The following HEPHL1 variants were observed in gnomAD, a reference collection of about 807,000 sequenced individuals.
HEPHL1 encodes the protein hephaestin like 1.
A neutral mutation model predicts 122.0 loss-of-function variants in HEPHL1; 123 were observed. The observed-to-expected ratio is 1.01, with a 90% CI of 0.87 to 1.17. The LOEUF (loss-of-function observed/expected upper bound fraction) is 1.17, where lower values mean the gene tolerates loss of function less well. Among genes scored for constraint, HEPHL1 ranks in the 50% most tolerant of loss-of-function variants. The probability of loss-of-function intolerance (pLI) is 0.00; values close to 1 mark genes in which losing one functional copy is unlikely to be tolerated. For synonymous variants in HEPHL1, 527 were observed against 508.9 expected (o/e 1.04, Z -0.48); for missense variants, 1,452 against 1,430.5 (o/e 1.01, Z -0.24).
rs1946090320 is a variant in HEPHL1, at chr11:94,073,088, G to A, written c.1296G>A (p.Arg432=). Residue 432 remains arginine (R), a synonymous_variant, in exon 7 of 20, where the codon CGG becomes CGA. Transcript: ENST00000315765. ...TAGGAGGAAAATACTGGAAGGTTCG[G>A]TATACTGAATTTGTTGATGCAACTT... is the stretch of plus-strand genomic sequence containing the variant. ...NRIGGKYWKV[R]YTEFVDATFT... 1 of 1,612,932 alleles carries A rather than the reference G, an allele frequency of 6.2e-7. No homozygotes were observed. The highest frequency in any genetic ancestry group is 1.7e-5 in the Admixed American group (1 of 59,880).
At chr11:94,102,419 C>T (rs1384062293) in intron 14 of HEPHL1, among the ~76,000 whole-genome samples, 1 of 152,144 alleles carries the variant, frequency 6.6e-6, no homozygotes, top group Non-Finnish European at 1.5e-5. Flanking sequence ...CCAGATCTCA[C>T]CTGCCCACTT....
chr11:94,068,810 G>GA (rs375543754), intron 5 of HEPHL1, among the ~76,000 whole-genome samples: 2 of 152,116 alleles, frequency 1.3e-5, no homozygotes, highest in African/African-American at 4.8e-5. Flanking sequence ...AACCAAGACA[G>GA]AAAAAATATG....
chr11:94,042,284 A>C (rs1945788599), intron 1 of HEPHL1, among the ~76,000 whole-genome samples: 1 of 120,494 alleles, frequency 8.3e-6, no homozygotes, highest in Admixed American at 8.8e-5. Context: ...GTGGGACTGT[A>C]AACTAGTTCA....
chr11:94,037,783 A>G (rs1422582655), intron 1 of HEPHL1, among the ~76,000 whole-genome samples: 1 of 151,838 alleles, frequency 6.6e-6, no homozygotes, highest in Admixed American at 6.5e-5. Context: ...AACAGAACAG[A>G]AAAACTGGAA....
chr11:94,074,172 G>A (rs142198963), intron 8 of HEPHL1, among the ~76,000 whole-genome samples: 30 of 152,166 alleles, frequency 2.0e-4, no homozygotes, highest in African/African-American at 7.2e-4. Flanking sequence ...ATAGTGAGGG[G>A]ACAGAAGAGA....
intron 13 of HEPHL1, among the ~76,000 whole-genome samples, chr11:94,098,524 G>A (rs1223255312): frequency 6.6e-6 from 1 of 152,150 alleles, no homozygotes; most frequent in Non-Finnish European, 1.5e-5. Context: ...TATCTTTGTG[G>A]CATTCTCTGT....
intron 1 of HEPHL1, among the ~76,000 whole-genome samples, chr11:94,043,143 A>G (rs1945802049): frequency 6.6e-6 from 1 of 152,186 alleles, no homozygotes; most frequent in South Asian, 2.1e-4. Flanking sequence ...AAAAGAATAG[A>G]AAGTACAATA....
intron 9 of HEPHL1, among the ~76,000 whole-genome samples, chr11:94,079,233 A>T (rs1946149704): frequency 6.6e-6 from 1 of 152,196 alleles, no homozygotes; most frequent in African/African-American, 2.4e-5. Context: ...CAAGTGAGGG[A>T]ATTAGGGCTT....
Position 94,086,071 on chromosome 11 carries a change from T to G in HEPHL1, c.1962T>G (p.Thr654=), listed in dbSNP as rs866672388. Reference sequence around the variant, plus strand: ...ATCTGATTGGATTGGGCACTGACACTGACATGCATGGAATTGTTTTTCAAG... The same window carrying G: ...ATCTGATTGGATTGGGCACTGACACGGACATGCATGGAATTGTTTTTCAAG... ...SWHLIGLGTD[T]DMHGIVFQGN... is the part of the protein sequence containing the mutation. Residue 654 remains threonine, a synonymous_variant, in exon 11 of 20, where the codon ACT becomes ACG. Transcript: ENST00000315765. The G allele has an allele frequency of 1.9e-6, 3 of 1,613,874 alleles. No homozygotes were observed. The Middle Eastern group carries it at 4.9e-4, about 266-fold the overall frequency.
intron 13 of HEPHL1, among the ~76,000 whole-genome samples, chr11:94,097,790 C>T (rs141110775): frequency 0.018 from 2,779 of 152,164 alleles, 40 homozygotes; most frequent in Non-Finnish European, 0.025. Flanking sequence ...TTTGTCTCTT[C>T]TGACCTTTGT....
At chr11:94,023,483 T>G (rs764069274) in intron 1 of HEPHL1, among the ~76,000 whole-genome samples, 9 of 152,054 alleles carry the variant, frequency 5.9e-5, no homozygotes, top group Non-Finnish European at 1.2e-4. Flanking sequence ...CTGGAAGAAG[T>G]TGGGGTCTCT....
At chr11:94,043,059 T>C (rs978333743) in intron 1 of HEPHL1, among the ~76,000 whole-genome samples, 1 of 151,956 alleles carries the variant, frequency 6.6e-6, no homozygotes, top group Non-Finnish European at 1.5e-5. Context: ...AGAGAAGTGC[T>C]CCATGATACC....
chr11:94,092,415 G>A (rs77566774), intron 12 of HEPHL1, among the ~76,000 whole-genome samples: 2,005 of 152,206 alleles, frequency 0.013, 26 homozygotes, highest in Admixed American at 0.021. Flanking sequence ...CATGTAGAGT[G>A]GCAAAAAATT....
chr11:94,076,348 T>C lies in HEPHL1; in HGVS notation c.1716+963T>C, dbSNP rs528441678. 2.6e-5 allele frequency among the ~76,000 whole-genome samples: 4 copies of C among 152,290 alleles called. No individual in the cohort carries two copies. In the South Asian group the frequency reaches 6.2e-4, roughly 24 times the overall value. On this transcript the variant is annotated intron_variant, in intron 9 of 19. Coordinates refer to ENST00000315765, the MANE Select transcript of HEPHL1 (RefSeq NM_001098672.2). ...AATTCCAGGAAATACACCTAGTAAG[T>C]AGTGAAAGTTGGCAGTAAAACACAG...
At chr11:94,087,332 T>G (rs1946226401) in intron 11 of HEPHL1, among the ~76,000 whole-genome samples, 1 of 152,172 alleles carries the variant, frequency 6.6e-6, no homozygotes, top group South Asian at 2.1e-4. Flanking sequence ...AGCTACTTAT[T>G]CTAGTGCTTT....
At chr11:94,055,830 A>G (rs1299987779) in intron 2 of HEPHL1, 8 of 482,640 alleles carry the variant, frequency 1.7e-5, no homozygotes, top group Non-Finnish European at 3.1e-5. Flanking sequence ...TCCATACTGC[A>G]ATGTCCTGTA....
At chr11:94,051,809 T>C (rs1051269608) in intron 2 of HEPHL1, among the ~76,000 whole-genome samples, 21 of 152,146 alleles carry the variant, frequency 1.4e-4, no homozygotes, top group African/African-American at 4.8e-4. Flanking sequence ...TTGATTTGAT[T>C]TTTGTCTATG....
chr11:94,072,821 A>G (rs1946086869), intron 6 of HEPHL1, among the ~76,000 whole-genome samples: 1 of 152,126 alleles, frequency 6.6e-6, no homozygotes, highest in South Asian at 2.1e-4. Context: ...AATGGCTGAG[A>G]GAAATGAGCT....
chr11:94,086,120 A>G lies in HEPHL1; in HGVS notation c.2011A>G (p.Thr671Ala). Residue 671 changes from threonine to alanine, a missense_variant, in exon 11 of 20, where the codon ACT (threonine) becomes GCT (alanine). By Grantham distance (58) the Thr-to-Ala change is moderately conservative. Transcript: ENST00000315765. ...FQGNTIHLRG[T>A]HRDSLALFPH... is the part of the protein sequence containing the mutation. ...AGGGAACACCATCCACCTACGAGGG[A>G]CTCACCGAGACTCCCTGGCCCTGTT... 6.2e-7 allele frequency: 1 copy of G among 1,613,034 alleles called. No individual in the cohort carries two copies. Among genetic ancestry groups the G allele is most frequent in the Admixed American group, 1.7e-5 (1 of 59,916 alleles).
Sources: allele counts gnomAD v4.1 joint callset (sites outside exome capture counted in the v4.1 genomes callset), GRCh38; gene constraint gnomAD v4.1.1; transcripts MANE v1.5; gene names NCBI Gene and HGNC (gene_info 2026-07-23, HGNC 2026-07-21).